RAD51B: variants seen among roughly 807,000 people sequenced by gnomAD.
RAD51B encodes DNA repair protein RAD51 homolog 2.
Under a neutral mutation model 42.2 loss-of-function variants are expected in RAD51B, and 38 were observed. The ratio of observed to expected loss-of-function variants is 0.90; its 90% confidence interval spans 0.70 to 1.18. The LOEUF (loss-of-function observed/expected upper bound fraction) is 1.18. Ranked by LOEUF, RAD51B falls within the 50% of genes most tolerant of loss-of-function variation. The pLI is 0.00. For synonymous variants in RAD51B, 154 were observed against 145.2 expected, an observed-to-expected ratio of 1.06 and a Z score of -0.43; for missense variants, 373 against 400.7, an observed-to-expected ratio of 0.93 and a Z score of 0.59.
rs147592980 is a variant in RAD51B at position 68,090,515 on chromosome 14, A to G, written c.757-201369A>G. On this transcript the variant is annotated intron_variant, in intron 7 of 10. Coordinates refer to ENST00000471583, the MANE Select transcript of RAD51B (RefSeq NM_133510.4). ...TAGAGAATATTCAGTTATTTAAGAA[A>G]AGTTCACTTTGATTCTATAGTAAAA... 1.1e-4 allele frequency among the ~76,000 whole-genome samples: 17 copies of G among 152,170 alleles called. No homozygotes were observed. The East Asian group carries it at 2.7e-3, about 24-fold the overall frequency.
At chr14:68,611,910 C>T (rs1891695062), downstream of RAD51B, among the ~76,000 whole-genome samples, 1 of 152,064 alleles carries the variant, frequency 6.6e-6, no homozygotes, top group Admixed American at 6.5e-5. Flanking sequence ...AATAAGGAAT[C>T]GGTTCATTCA....
chr14:67,860,242 A>G (rs1391421761), intron 4 of RAD51B, among the ~76,000 whole-genome samples: 1 of 152,248 alleles, frequency 6.6e-6, no homozygotes, highest in Non-Finnish European at 1.5e-5. Flanking sequence ...TTTGAAGTAC[A>G]GATGTTTCTA....
At chr14:67,867,152 G>T (rs1258181024) in intron 5 of RAD51B, among the ~76,000 whole-genome samples, 1 of 152,226 alleles carries the variant, frequency 6.6e-6, no homozygotes, top group African/African-American at 2.4e-5. Context: ...AGTTTGTCAT[G>T]GTGGGTCATA....
In RAD51B at chr14:68,361,266, A is replaced by T. The variant is rs371720668; in HGVS notation, c.854-50158A>T. On this transcript the variant is annotated intron_variant, in intron 8 of 10. Transcript: ENST00000471583. ...TACTGTTTTCTGCGCCCTGGCACTT[A>T]CAAGTTAAGCAACTCACCCAGGGTC... is the stretch of plus-strand genomic sequence containing the variant. Among the ~76,000 whole-genome samples, 62 of 152,312 alleles carry T rather than the reference A, an allele frequency of 4.1e-4. 1 individual carries two copies. The South Asian group carries it at 0.013, about 32-fold the overall frequency.
intron 4 of RAD51B, among the ~76,000 whole-genome samples, chr14:67,839,105 A>G (rs764288482): frequency 3.9e-5 from 6 of 151,962 alleles, no homozygotes; most frequent in Non-Finnish European, 8.8e-5. Flanking sequence ...AATATTTAAG[A>G]TTTTTCAATA....
chr14:68,477,373 C>A (rs189518784), intron 10 of RAD51B, among the ~76,000 whole-genome samples: 1 of 152,270 alleles, frequency 6.6e-6, no homozygotes, highest in East Asian at 1.9e-4. Context: ...AAGAGGGGTG[C>A]TTGCTTCTGT....
At chr14:68,268,431 T>G (rs7150698) in intron 7 of RAD51B, among the ~76,000 whole-genome samples, 315 of 152,294 alleles carry the variant, frequency 2.1e-3, no homozygotes, top group African/African-American at 4.6e-3. Flanking sequence ...TTGGAAGAGA[T>G]TGAGTTTGCT....
chr14:68,171,202 T>C (rs2078864995), intron 7 of RAD51B, among the ~76,000 whole-genome samples: 1 of 152,220 alleles, frequency 6.6e-6, no homozygotes, highest in South Asian at 2.1e-4. Context: ...TTTGTAACTT[T>C]AGAGCCTGAC....
intron 7 of RAD51B, among the ~76,000 whole-genome samples, chr14:68,167,989 C>T (rs573154301): frequency 5.0e-4 from 76 of 152,100 alleles, no homozygotes; most frequent in African/African-American, 1.7e-3. Flanking sequence ...AAGAATAACT[C>T]GCTATTCTTT....
In RAD51B at chr14:68,326,027, C is replaced by CTTTT. The variant is rs1156621815; in HGVS notation, c.853+34049_853+34052dup. Among the ~76,000 whole-genome samples the CTTTT allele has an allele frequency of 2.1e-4, 11 of 51,646 alleles. 1 individual carries two copies. Among genetic ancestry groups the CTTTT allele is most frequent in the Admixed American group, 1.1e-3 (4 of 3,786 alleles). The allele number at this position is 51,646 out of a possible 152,430, so 33.9% of individuals were successfully genotyped here. A position where few individuals can be genotyped will look rare whatever the true frequency, so the allele number is the denominator to read the frequency against. On this transcript the variant is annotated intron_variant, in intron 8 of 10. Transcript: ENST00000471583. ...ATACTAATTGAATAATGTTGTTATTCTTTTTCTTTTCTTTTTTTTTTTTTT... is the reference window on the plus strand; with the variant it reads ...ATACTAATTGAATAATGTTGTTATTCTTTTTTTTTCTTTTCTTTTTTTTTTTTTT...
rs373104809 is a variant in RAD51B, at chr14:68,291,894, C to G, written c.767C>G (p.Thr256Arg). The G allele has an allele frequency of 1.2e-6, 2 of 1,612,878 alleles. No homozygotes were observed. Among genetic ancestry groups the G allele is most frequent in the Non-Finnish European group, 1.7e-6 (2 of 1,179,104 alleles). ...AEEFSIPVIL[T>R]NQITTHLSGA... ...CCTGTCTGTTCACAGGTTATCTTGACGAATCAGATTACAACCCATCTGAGT... is the reference window on the plus strand; with the variant it reads ...CCTGTCTGTTCACAGGTTATCTTGAGGAATCAGATTACAACCCATCTGAGT... Residue 256 changes from threonine to arginine, a missense_variant, in exon 8 of 11, where the codon ACG (threonine) becomes AGG (arginine). Transcript: ENST00000471583.
chr14:68,188,589 A>T (rs980367704), intron 7 of RAD51B, among the ~76,000 whole-genome samples: 1 of 152,168 alleles, frequency 6.6e-6, no homozygotes, highest in African/African-American at 2.4e-5. Flanking sequence ...TCGTGAATTG[A>T]TTACTTCATC....
At chr14:67,865,290 G>GC in intron 5 of RAD51B, 151 bp downstream of exon 5, 1 of 768,962 alleles carries the variant, frequency 1.3e-6, no homozygotes, top group Non-Finnish European at 1.8e-6. Flanking sequence ...GGGCTGGAGT[G>GC]CAGTGGCACG....
At chr14:68,399,402 A>G (rs974853882) in intron 8 of RAD51B, among the ~76,000 whole-genome samples, 68 of 150,410 alleles carry the variant, frequency 4.5e-4, no homozygotes, top group South Asian at 1.3e-3. Context: ...GACTACAGGC[A>G]CCCGCCACAA....
chr14:67,929,521 TC>T (rs1053417159), intron 7 of RAD51B, among the ~76,000 whole-genome samples: 1 of 152,206 alleles, frequency 6.6e-6, no homozygotes, highest in African/African-American at 2.4e-5. Flanking sequence ...TGGAGAATTT[TC>T]TATGTGCAGA....
chr14:68,540,579 G>A lies in RAD51B; in HGVS notation c.1037-53906G>A, dbSNP rs539383307. 10 of 985,356 alleles carry A rather than the reference G, an allele frequency of 1.0e-5. No individual in the cohort carries two copies. The East Asian group carries it at 7.9e-4, about 78-fold the overall frequency. 61.0% of individuals were successfully genotyped at this position (985,356 alleles called of 1,614,324 possible). On this transcript the variant is annotated intron_variant, in intron 10 of 10. Coordinates refer to the RAD51B transcript ENST00000487270. Reference sequence around the variant, plus strand: ...TATTTGCAAAACTGGGCTTAGCGTGGTTCTAGGTGCTGTGCAAGTATATAA... The same window carrying A: ...TATTTGCAAAACTGGGCTTAGCGTGATTCTAGGTGCTGTGCAAGTATATAA...
intron 11 of RAD51B, among the ~76,000 whole-genome samples, chr14:68,665,796 A>G (rs1207129825): frequency 6.6e-6 from 1 of 152,208 alleles, no homozygotes; most frequent in Non-Finnish European, 1.5e-5. Flanking sequence ...TCTGGTACCC[A>G]TGCCCCTGTT....
chr14:68,152,259 C>T (rs1216696059), intron 7 of RAD51B, among the ~76,000 whole-genome samples: 3 of 152,124 alleles, frequency 2.0e-5, no homozygotes, highest in African/African-American at 4.8e-5. Flanking sequence ...TGTAATCTTC[C>T]TCCCCATGGA....
At chr14:67,982,983 G>T (rs2075122991) in intron 7 of RAD51B, among the ~76,000 whole-genome samples, 1 of 152,132 alleles carries the variant, frequency 6.6e-6, no homozygotes, top group South Asian at 2.1e-4. Context: ...AATTGCTTGA[G>T]CCCAGGAGTT....
Sources: allele counts gnomAD v4.1 joint callset (sites outside exome capture counted in the v4.1 genomes callset), GRCh38; gene constraint gnomAD v4.1.1; transcripts MANE v1.5; gene names NCBI Gene and HGNC (gene_info 2026-07-23, HGNC 2026-07-21).